Variants in AK4 observed in about 807,000 individuals in gnomAD.
The protein encoded by AK4 is adenylate kinase 4, also known as adenylate kinase 4, mitochondrial.
A neutral mutation model predicts 24.6 loss-of-function variants in AK4; 13 were observed. The ratio of observed to expected loss-of-function variants is 0.53; its 90% CI spans 0.34 to 0.84. The LOEUF (loss-of-function observed/expected upper bound fraction) is 0.84. Ranked by LOEUF, AK4 falls within the 40% of genes least tolerant of loss-of-function variation. The pLI is 0.01. For synonymous variants in AK4, 88 were observed against 107.0 expected (o/e 0.82, Z 1.10); for missense variants, 192 against 288.2 (o/e 0.67, Z 2.42).
intron 1 of AK4, among the ~76,000 whole-genome samples, chr1:65,172,131 A>G (rs1173800160): frequency 7.3e-6 from 1 of 136,372 alleles, no homozygotes; most frequent in African/African-American, 2.6e-5. Context: ...TCCCAAATAT[A>G]TATATATTTG....
chr1:65,225,096 A>G (rs1652413356), intron 4 of AK4, among the ~76,000 whole-genome samples: 1 of 152,266 alleles, frequency 6.6e-6, no homozygotes, highest in South Asian at 2.1e-4. Flanking sequence ...AAACCTGATC[A>G]TCTCTGTCTG....
chr1:65,181,411 T>G (rs1650901719), intron 1 of AK4, among the ~76,000 whole-genome samples: 1 of 152,080 alleles, frequency 6.6e-6, no homozygotes, highest in South Asian at 2.1e-4. Flanking sequence ...TTTTTTTTTT[T>G]TTTGAGACAG....
chr1:65,212,201 G>C (rs952492154), intron 2 of AK4, among the ~76,000 whole-genome samples: 5 of 152,182 alleles, frequency 3.3e-5, no homozygotes, highest in Non-Finnish European at 7.3e-5. Context: ...TGGCACATAA[G>C]GGATGCTCTA....
intron 1 of AK4, among the ~76,000 whole-genome samples, chr1:65,153,951 GAGACGAGC>G (rs1219072056): frequency 2.0e-5 from 3 of 152,230 alleles, no homozygotes; most frequent in Admixed American, 1.3e-4. Flanking sequence ...TCAGGTCAGA[GAGACGAGC>G]AGGTGCCAGA....
chr1:65,162,544 A>G (rs1054852521), intron 1 of AK4, among the ~76,000 whole-genome samples: 28 of 151,986 alleles, frequency 1.8e-4, no homozygotes, highest in Admixed American at 1.8e-3. Flanking sequence ...TTTATTCTTT[A>G]AAAGTGTACA....
chr1:65,149,988 A>G (rs1324396515), intron 1 of AK4, among the ~76,000 whole-genome samples: 2 of 152,306 alleles, frequency 1.3e-5, no homozygotes, highest in East Asian at 3.9e-4. Flanking sequence ...TGGTAGGGGC[A>G]TGGAGTCAGT....
In AK4 at chr1:65,232,060, TATTG is replaced by T. The variant is rs1387842456; in HGVS notation, c.*5887_*5890del. On this transcript the variant is annotated 3_prime_UTR_variant, in exon 5 of 5. Coordinates refer to ENST00000327299, the MANE Select transcript of AK4 (RefSeq NM_013410.4). ...ATGCTATCCTAACTGTTAATTGTAT[TATTG>T]ATTATGTTGATTATCTTGCTTGAAG... is the stretch of plus-strand genomic sequence containing the variant. The T allele has an allele frequency of 6.6e-6, 1 of 152,214 alleles. No homozygotes were observed. The highest frequency in any genetic ancestry group is 2.4e-5 in the African/African-American group (1 of 41,452). The allele number at this position is 152,214 out of a possible 1,614,324, so 9.4% of individuals were successfully genotyped here.
intron 2 of AK4, among the ~76,000 whole-genome samples, chr1:65,213,125 T>A (rs1376337275): frequency 6.6e-6 from 1 of 152,226 alleles, no homozygotes; most frequent in Admixed American, 6.5e-5. Flanking sequence ...TAACACAGCC[T>A]GCACGTGCAC....
intron 2 of AK4, among the ~76,000 whole-genome samples, chr1:65,204,497 A>G (rs1651758981): frequency 6.6e-6 from 1 of 152,094 alleles, no homozygotes; most frequent in African/African-American, 2.4e-5. Flanking sequence ...CACCATACCT[A>G]GCCTTAATTT....
chr1:65,162,478 CTTTTA>C (rs780413595), intron 1 of AK4, among the ~76,000 whole-genome samples: 2 of 152,018 alleles, frequency 1.3e-5, no homozygotes, highest in Non-Finnish European at 2.9e-5. Context: ...CAGGTTGTTA[CTTTTA>C]TTTTTTATAC....
Position 65,224,799 on chromosome 1 carries a change from T to C in AK4, c.486T>C (p.Asp162=). 1.2e-6 allele frequency: 2 copies of C among 1,613,892 alleles called. No individual in the cohort carries two copies. Among genetic ancestry groups the C allele is most frequent in the Non-Finnish European group, 1.7e-6 (2 of 1,179,974 alleles). The change falls in exon 4 of 5, where the codon GAT becomes GAC. Residue 162 remains aspartate, a synonymous_variant. Coordinates refer to ENST00000327299, the MANE Select transcript of AK4 (RefSeq NM_013410.4). ...AACCGTTAGTCCAGCAGGAGGATGA[T>C]AAACCCGAAGCAGTTGCTGCCAGGC... ...TGEPLVQQED[D]KPEAVAARLR... is the part of the protein sequence containing the mutation.
At chr1:65,169,227 C>G (rs560107259) in intron 1 of AK4, among the ~76,000 whole-genome samples, 1 of 151,754 alleles carries the variant, frequency 6.6e-6, no homozygotes. Context: ...CACACTTAGC[C>G]TAAATATTGC....
intron 2 of AK4, among the ~76,000 whole-genome samples, chr1:65,217,810 A>G (rs1652175408): frequency 6.6e-6 from 1 of 152,248 alleles, no homozygotes; most frequent in African/African-American, 2.4e-5. Context: ...CATTATCCCA[A>G]TAGATTTAAA....
rs1487145531 is a variant in AK4, at chr1:65,228,221, AAG to A, written c.*2047_*2048del. On this transcript the variant is annotated 3_prime_UTR_variant, in exon 5 of 5. Coordinates refer to ENST00000327299, the MANE Select transcript of AK4 (RefSeq NM_013410.4). ...GAGAGTTATTCTATAGAATACTCAA[AAG>A]AGGAAAGTATGTGATTTTTGGAAAC... is the stretch of plus-strand genomic sequence containing the variant. 1.3e-5 allele frequency: 2 copies of A among 151,754 alleles called. No homozygotes were observed. The highest frequency in any genetic ancestry group is 2.9e-5 in the Non-Finnish European group (2 of 67,966). 9.4% of individuals were successfully genotyped at this position (151,754 alleles called of 1,614,324 possible). A position where few individuals can be genotyped will look rare whatever the true frequency, so the allele number is the denominator to read the frequency against.
intron 1 of AK4, among the ~76,000 whole-genome samples, chr1:65,160,033 G>C (rs1196411010): frequency 6.7e-6 from 1 of 149,564 alleles, no homozygotes; most frequent in Non-Finnish European, 1.5e-5. Flanking sequence ...TGAGTAACTT[G>C]TCCTAAGTCA....
chr1:65,224,739 T>C lies in AK4; in HGVS notation c.439-13T>C. On this transcript the variant is annotated splice_polypyrimidine_tract_variant and intron_variant, in intron 3 of 4. Transcript: ENST00000327299. ...CTGTTGTCTATATTAATTGGTTTAT[T>C]TGGTATTTGTAGGGTATTGATGACG... 1 of 1,605,020 alleles carries C rather than the reference T, an allele frequency of 6.2e-7. No homozygotes were observed. Among genetic ancestry groups the C allele is most frequent in the Non-Finnish European group, 8.5e-7 (1 of 1,173,640 alleles).
chr1:65,173,156 G>A (rs1039343613), intron 1 of AK4, among the ~76,000 whole-genome samples: 1 of 152,054 alleles, frequency 6.6e-6, no homozygotes, highest in Non-Finnish European at 1.5e-5. Context: ...GAGTCACTGC[G>A]CCCGGCCTAG....
intron 1 of AK4, among the ~76,000 whole-genome samples, chr1:65,153,391 C>G (rs1649865452): frequency 6.6e-6 from 1 of 152,016 alleles, no homozygotes; most frequent in Admixed American, 6.6e-5. Flanking sequence ...TACCTCAGCC[C>G]CTTAAGTAGC....
Position 65,152,313 on chromosome 1 carries a change from GCTAT to G in AK4, c.145+3764_145+3767del, listed in dbSNP as rs1293601233. Among the ~76,000 whole-genome samples the G allele has an allele frequency of 1.9e-3, 119 of 62,888 alleles. 1 individual carries two copies. The highest frequency in any genetic ancestry group is 7.6e-3 in the African/African-American group (118 of 15,428). 41.3% of individuals were successfully genotyped at this position (62,888 alleles called of 152,430 possible). A position where few individuals can be genotyped will look rare whatever the true frequency, so the allele number is the denominator to read the frequency against. On this transcript the variant is annotated intron_variant, in intron 1 of 4. Transcript: ENST00000327299. The stretch of plus-strand genomic sequence containing the variant: ...AAGGAACAAACCTGTTTCTGCACTT[GCTAT>G]CTCTCTCTCTCTCTCTCTCTCTCTC...
Sources: allele counts gnomAD v4.1 joint callset (sites outside exome capture counted in the v4.1 genomes callset), GRCh38; gene constraint gnomAD v4.1.1; transcripts MANE v1.5; gene names NCBI Gene and HGNC (gene_info 2026-07-23, HGNC 2026-07-21).